Variants in DLGAP2 observed in about 807,000 individuals in gnomAD.
DLGAP2 encodes the protein disks large-associated protein 2.
Under a neutral mutation model 100.3 loss-of-function variants are expected in DLGAP2, and 26 were observed. The ratio of observed to expected loss-of-function variants is 0.26; its 90% CI spans 0.19 to 0.36. DLGAP2 has a LOEUF of 0.36. Ranked by LOEUF, DLGAP2 falls within the 10% of genes least tolerant of loss-of-function variation. The pLI is 1.00. For synonymous variants in DLGAP2, 886 were observed against 630.1 expected (o/e 1.41, Z -6.08); for missense variants, 1,858 against 1,453.2 (o/e 1.28, Z -4.53).
At chr8:1,349,060 C>G (rs1269367824) in intron 3 of DLGAP2, among the ~76,000 whole-genome samples, 2 of 151,754 alleles carry the variant, frequency 1.3e-5, no homozygotes, top group African/African-American at 4.8e-5. Context: ...CGGCCACTTG[C>G]TCCTGCCAAG....
chr8:791,879 A>C (rs763138866), intron 1 of DLGAP2, among the ~76,000 whole-genome samples: 3 of 152,160 alleles, frequency 2.0e-5, no homozygotes, highest in Non-Finnish European at 2.9e-5. Flanking sequence ...TTTCTGAGCC[A>C]TAAGACAGTA....
At chr8:1,267,714 C>T (rs1799496156) in intron 3 of DLGAP2, among the ~76,000 whole-genome samples, 1 of 152,058 alleles carries the variant, frequency 6.6e-6, no homozygotes, top group Non-Finnish European at 1.5e-5. Context: ...GTCGCTGGCC[C>T]CCTCCGTAGC....
chr8:1,531,491 T>C (rs529021418), intron 4 of DLGAP2, among the ~76,000 whole-genome samples: 1 of 152,328 alleles, frequency 6.6e-6, no homozygotes, highest in South Asian at 2.1e-4. Flanking sequence ...TTCATGTCTA[T>C]GAAATTATTT....
intron 2 of DLGAP2, among the ~76,000 whole-genome samples, chr8:978,340 C>T (rs79642256): frequency 0.34 from 109 of 316 alleles, 46 homozygotes; most frequent in East Asian, 1. Context: ...TGCTGGGTTC[C>T]GGTCTTTGGT....
intron 3 of DLGAP2, among the ~76,000 whole-genome samples, chr8:1,347,800 C>A (rs915827163): frequency 2.5e-4 from 38 of 151,754 alleles, no homozygotes; most frequent in Admixed American, 2.3e-3. Context: ...GGTTGAGTTC[C>A]TATACAGAGC....
intron 1 of DLGAP2, among the ~76,000 whole-genome samples, chr8:850,059 TAAAAA>T: frequency 7.7e-6 from 1 of 129,318 alleles, no homozygotes. Flanking sequence ...GGAGACTGTC[TAAAAA>T]AAAAAAAAAA....
chr8:990,335 G>T (rs1389911634), intron 2 of DLGAP2, among the ~76,000 whole-genome samples: 24 of 143,214 alleles, frequency 1.7e-4, no homozygotes, highest in Non-Finnish European at 1.2e-4. Flanking sequence ...CATACTCGGA[G>T]TTCCTGTTCT....
Position 889,639 on chromosome 8 carries a change from C to G in DLGAP2, c.19-18273C>G, listed in dbSNP as rs1797994074. On this transcript the variant is annotated intron_variant, in intron 1 of 14. Coordinates refer to ENST00000637795, the MANE Select transcript of DLGAP2 (RefSeq NM_001346810.2). ...ACCAAGCCATTCAGCTTCCCTGGCT[C>G]CAGTAGGGGAAGAGCGCAGCCTGGA... Among the ~76,000 whole-genome samples, 3 of 152,332 alleles carry G rather than the reference C, an allele frequency of 2.0e-5. No homozygotes were observed. In the South Asian group the frequency reaches 6.2e-4, roughly 32 times the overall value.
chr8:1,447,281 G>C (rs952734978), intron 3 of DLGAP2, among the ~76,000 whole-genome samples: 1 of 152,152 alleles, frequency 6.6e-6, no homozygotes, highest in African/African-American at 2.4e-5. Flanking sequence ...AATTTATTGA[G>C]AGTTTTTAGC....
intron 4 of DLGAP2, among the ~76,000 whole-genome samples, chr8:1,537,128 C>G (rs190874197): frequency 1.3e-5 from 2 of 152,090 alleles, no homozygotes; most frequent in South Asian, 4.2e-4. Flanking sequence ...TGGTAGACCC[C>G]TGCAGCTCTG....
intron 2 of DLGAP2, among the ~76,000 whole-genome samples, chr8:1,049,458 C>T (rs1458435379): frequency 2.0e-5 from 3 of 152,066 alleles, no homozygotes; most frequent in Admixed American, 6.6e-5. Context: ...CCCTGCTTAA[C>T]GTCACACGGG....
chr8:1,356,368 A>T (rs1801850593), intron 3 of DLGAP2, among the ~76,000 whole-genome samples: 1 of 152,200 alleles, frequency 6.6e-6, no homozygotes, highest in South Asian at 2.1e-4. Context: ...TAGATGTTTA[A>T]AGCTCATTAA....
rs1467642429 is a variant in DLGAP2 at position 1,668,386 on chromosome 8, C to G, written c.1868C>G (p.Ser623Cys). The change falls in exon 9 of 15, where the codon TCC becomes TGC. Residue 623 changes from serine (S) to cysteine (C), a missense_variant. Physicochemically the swap from Ser to Cys is moderately radical, Grantham distance 112 (BLOSUM62 -1). Coordinates refer to ENST00000637795, the MANE Select transcript of DLGAP2 (RefSeq NM_001346810.2). ...CCACCGGTGCCCCCTCGGACCACCT[C>G]CAAGCCTCTGATCTCGGTGACGGCG... ...TPPPVPPRTTSKPLISVTAQS... is the reference protein window; with the variant it reads ...TPPPVPPRTTCKPLISVTAQS... The G allele has an allele frequency of 1.9e-6, 3 of 1,601,004 alleles. No individual in the cohort carries two copies. Among genetic ancestry groups the G allele is most frequent in the Non-Finnish European group, 2.6e-6 (3 of 1,174,052 alleles).
chr8:1,694,985 G>A (rs1799345697), intron 13 of DLGAP2, among the ~76,000 whole-genome samples: 1 of 152,194 alleles, frequency 6.6e-6, no homozygotes, highest in African/African-American at 2.4e-5. Flanking sequence ...TGCCCGTCCG[G>A]CCCCAGCATG....
At chr8:981,352 T>C (rs1192356476) in intron 2 of DLGAP2, among the ~76,000 whole-genome samples, 1 of 152,126 alleles carries the variant, frequency 6.6e-6, no homozygotes, top group African/African-American at 2.4e-5. Context: ...GTCCCACCTT[T>C]TGTCTATTGT....
chr8:830,331 A>T (rs1276738081), intron 1 of DLGAP2, among the ~76,000 whole-genome samples: 2 of 152,144 alleles, frequency 1.3e-5, no homozygotes, highest in African/African-American at 2.4e-5. Flanking sequence ...TTAGATATTT[A>T]AAAATGTACA....
chr8:903,018 T>C (rs890942361), intron 1 of DLGAP2, among the ~76,000 whole-genome samples: 4 of 5,286 alleles, frequency 7.6e-4, no homozygotes, highest in African/African-American at 2.3e-3. Context: ...TGGGCAGGGG[T>C]GGGGGGTGGA....
chr8:1,626,940 G>A, intron 7 of DLGAP2, 53 bp downstream of exon 7: 1 of 1,542,188 alleles, frequency 6.5e-7, no homozygotes, highest in Non-Finnish European at 8.7e-7. Context: ...CAGCCAGGCT[G>A]GCACGGAGGC....
intron 1 of DLGAP2, among the ~76,000 whole-genome samples, chr8:788,388 G>T (rs1443055504): frequency 2.0e-5 from 3 of 152,124 alleles, no homozygotes; most frequent in Non-Finnish European, 4.4e-5. Context: ...TCTGGTTGTG[G>T]CCTTGGCATC....
Sources: allele counts gnomAD v4.1 joint callset (sites outside exome capture counted in the v4.1 genomes callset), GRCh38; gene constraint gnomAD v4.1.1; transcripts MANE v1.5; gene names NCBI Gene and HGNC (gene_info 2026-07-23, HGNC 2026-07-21).